The following VIPAS39 variants were observed in gnomAD, a reference collection of about 807,000 sequenced individuals.
VIPAS39 encodes the protein VPS33B interacting protein, apical-basolateral polarity regulator, spe-39 homolog.
In VIPAS39, 63 loss-of-function variants were observed where a neutral mutation model predicts 84.7. That is an observed-to-expected ratio of 0.74 (90% CI 0.61 to 0.92). The LOEUF (loss-of-function observed/expected upper bound fraction) is 0.92, where lower values mean the gene tolerates loss of function less well. VIPAS39 is among the 40% of genes least tolerant of loss of function. The pLI is 0.00. For synonymous variants in VIPAS39, 192 were observed against 216.5 expected (o/e 0.89, Z 0.99); for missense variants, 499 against 604.5 (o/e 0.83, Z 1.83).
chr14:77,448,418 G>T, intron 7 of VIPAS39, 76 bp downstream of exon 7: 1 of 1,360,082 alleles, frequency 7.4e-7, no homozygotes, highest in South Asian at 1.2e-5. Flanking sequence ...GAACTGAAGA[G>T]AGGTCAAGAA....
chr14:77,429,538 T>C (rs2078486632), intron 17 of VIPAS39, 143 bp downstream of exon 17: 1 of 868,628 alleles, frequency 1.2e-6, no homozygotes, highest in Non-Finnish European at 2.0e-6. Context: ...CCTGGCCTTT[T>C]CTGTCTTGAG....
At chr14:77,453,218 T>C (rs958311309) in intron 3 of VIPAS39, 81 bp downstream of exon 3, 39 of 1,368,284 alleles carry the variant, frequency 2.9e-5, no homozygotes, top group South Asian at 9.3e-5. Context: ...CTAACTAGCA[T>C]TGAAGAAACA....
chr14:77,457,216 C>G, intron 1 of VIPAS39: 1 of 1,518,922 alleles, frequency 6.6e-7, no homozygotes, highest in Non-Finnish European at 8.8e-7. Flanking sequence ...GTCCAGGAAG[C>G]CATGGATCTA....
intron 13 of VIPAS39, 22 bp from the exon 14 acceptor site, chr14:77,435,415 G>A (rs200148812): frequency 5.0e-3 from 7,367 of 1,466,900 alleles, no homozygotes; most frequent in East Asian, 0.014. Context: ...TGAGCCAAGT[G>A]AAAAAAAAAA....
intron 6 of VIPAS39, 148 bp downstream of exon 6, chr14:77,449,145 C>G (rs568562548): frequency 1.2e-4 from 105 of 846,790 alleles, no homozygotes; most frequent in African/African-American, 1.1e-3. Context: ...CCCAGGTAAG[C>G]CCTCATGTTT....
rs745941591 is a variant in VIPAS39 at position 77,429,634 on chromosome 14, A to G, written c.1266+47T>C. 4 of 1,582,266 alleles carry G rather than the reference A, an allele frequency of 2.5e-6. No homozygotes were observed. In the African/African-American group the frequency reaches 5.4e-5, roughly 21 times the overall value. On this transcript the variant is annotated intron_variant, in intron 17 of 19. Coordinates refer to ENST00000557658, the MANE Select transcript of VIPAS39 (RefSeq NM_001193315.2). ...ACTGACCAGTAAGAGGCTTAAAGTT[A>G]GGTCTCCAAGAATATCCTGTACCCA...
chr14:77,428,931 C>G (rs1185033039), intron 18 of VIPAS39, 75 bp downstream of exon 18: 2 of 1,364,752 alleles, frequency 1.5e-6, no homozygotes, highest in South Asian at 1.2e-5. Flanking sequence ...GGATCTTGGA[C>G]AGAGAATATT....
rs2139880540 is a variant in VIPAS39, at chr14:77,451,337, T to C, written c.197-4A>G. The stretch of plus-strand genomic sequence containing the variant: ...TCTCTGATGGACCATGAGATACCTG[T>C]GAGATAGTAAGAACTACATCAGCAA... On this transcript the variant is annotated splice_region_variant and splice_polypyrimidine_tract_variant and intron_variant, in intron 3 of 19. Transcript: ENST00000557658. 6.2e-7 allele frequency: 1 copy of C among 1,614,168 alleles called. No individual in the cohort carries two copies. Among genetic ancestry groups the C allele is most frequent in the East Asian group, 2.2e-5 (1 of 44,882 alleles).
Position 77,429,224 on chromosome 14 carries a change from A to C in VIPAS39, c.1267-129T>G, listed in dbSNP as rs1017732110. ...CTAATGTTTCCAGTTTCCATCATCA[A>C]CCACAGGACTAGTTCTGCAATGGGA... On this transcript the variant is annotated intron_variant, in intron 17 of 19. Transcript: ENST00000557658. 6.5e-6 allele frequency: 5 copies of C among 769,944 alleles called. No homozygotes were observed. The African/African-American group carries it at 8.6e-5, about 13-fold the overall frequency. The allele number at this position is 769,944 out of a possible 1,614,324, so 47.7% of individuals were successfully genotyped here.
intron 7 of VIPAS39, 38 bp downstream of exon 7, chr14:77,448,456 G>C: frequency 6.2e-7 from 1 of 1,605,662 alleles, no homozygotes; most frequent in African/African-American, 1.3e-5. Flanking sequence ...AAGCTGCCCA[G>C]CTTCCCAAAG....
At chr14:77,453,970 G>A in intron 2 of VIPAS39, 40 bp downstream of exon 2, 1 of 1,591,096 alleles carries the variant, frequency 6.3e-7, no homozygotes, top group Non-Finnish European at 8.6e-7. Context: ...TTTTATAGTG[G>A]CACTGTGGAG....
Position 77,427,450 on chromosome 14 carries a change from G to T in VIPAS39, c.*166C>A. 1 of 747,112 alleles carries T rather than the reference G, an allele frequency of 1.3e-6. No homozygotes were observed. Among genetic ancestry groups the T allele is most frequent in the Non-Finnish European group, 2.3e-6 (1 of 439,598 alleles). 46.3% of individuals were successfully genotyped at this position (747,112 alleles called of 1,614,324 possible). A position where few individuals can be genotyped will look rare whatever the true frequency, so the allele number is the denominator to read the frequency against. On this transcript the variant is annotated 3_prime_UTR_variant, in exon 20 of 20. Coordinates refer to ENST00000557658, the MANE Select transcript of VIPAS39 (RefSeq NM_001193315.2). The stretch of plus-strand genomic sequence containing the variant: ...TCTCGATCCTCAGATGATGTTCCTT[G>T]GACAGAAGATCAGTCTGAAGTTATC...
At chr14:77,440,695 G>A (rs1178828856) in intron 11 of VIPAS39, among the ~76,000 whole-genome samples, 1 of 152,074 alleles carries the variant, frequency 6.6e-6, no homozygotes, top group Non-Finnish European at 1.5e-5. Context: ...AATCAGTCTG[G>A]GATCTTGGAG....
intron 4 of VIPAS39, 124 bp from the exon 5 acceptor site, chr14:77,449,876 G>C: frequency 3.4e-6 from 4 of 1,168,552 alleles, no homozygotes; most frequent in Non-Finnish European, 5.0e-6. Flanking sequence ...GCTTAAAAAA[G>C]GTTTTATTCA....
At chr14:77,434,225 A>T in intron 15 of VIPAS39, 37 bp downstream of exon 15, 1 of 1,597,138 alleles carries the variant, frequency 6.3e-7, no homozygotes, top group South Asian at 1.1e-5. Flanking sequence ...AGTTACCCTG[A>T]TCACTAGTTT....
At chr14:77,452,694 C>T (rs1054603480) in intron 3 of VIPAS39, among the ~76,000 whole-genome samples, 6 of 147,846 alleles carry the variant, frequency 4.1e-5, no homozygotes, top group African/African-American at 1.5e-4. Context: ...GCATGAGAAT[C>T]GCTTGAACCT....
chr14:77,439,641 A>C (rs2078668838), intron 11 of VIPAS39, among the ~76,000 whole-genome samples: 1 of 152,124 alleles, frequency 6.6e-6, no homozygotes, highest in Non-Finnish European at 1.5e-5. Context: ...ATTTTTAAAA[A>C]TTAGTCAGGT....
intron 12 of VIPAS39, among the ~76,000 whole-genome samples, chr14:77,437,081 T>C (rs2078624518): frequency 6.6e-6 from 1 of 152,200 alleles, no homozygotes; most frequent in Admixed American, 6.5e-5. Flanking sequence ...TGGATTTCAC[T>C]GATATAATCA....
chr14:77,427,670 C>A (rs540535667), intron 19 of VIPAS39, 34 bp from the exon 20 acceptor site: 2 of 1,613,984 alleles, frequency 1.2e-6, no homozygotes, highest in African/African-American at 2.7e-5. Flanking sequence ...AGTGTGTGAT[C>A]AGTTTTCACT....
Sources: allele counts gnomAD v4.1 joint callset (sites outside exome capture counted in the v4.1 genomes callset), GRCh38; gene constraint gnomAD v4.1.1; transcripts MANE v1.5; gene names NCBI Gene and HGNC (gene_info 2026-07-23, HGNC 2026-07-21).